The following STARD13 variants were observed in gnomAD, a reference collection of about 807,000 sequenced individuals.
The protein encoded by STARD13 is stAR-related lipid transfer protein 13.
In STARD13, 62 loss-of-function variants were observed where a neutral mutation model predicts 106.4. The ratio of observed to expected loss-of-function variants is 0.58; its 90% CI spans 0.48 to 0.72. The LOEUF (loss-of-function observed/expected upper bound fraction) is 0.72, where lower values mean the gene tolerates loss of function less well. STARD13 is among the 30% of genes least tolerant of loss of function. The pLI, the probability that STARD13 is intolerant of heterozygous loss-of-function variation, is 0.00. For synonymous variants in STARD13, 565 were observed against 553.0 expected (o/e 1.02, Z -0.31); for missense variants, 1,387 against 1,424.0 (o/e 0.97, Z 0.42).
At chr13:33,403,048 G>A in the STARD13 span, among the ~76,000 whole-genome samples, 1 of 152,224 alleles carries the variant, frequency 6.6e-6, no homozygotes, top group Non-Finnish European at 1.5e-5. Flanking sequence ...TAACATTAAG[G>A]TGTCTGAGGA....
intron 1 of STARD13, chr13:33,279,807 A>C (rs1009095680): frequency 6.6e-6 from 1 of 152,212 alleles, no homozygotes. Context: ...ACTATGTAGT[A>C]ATTTTTAAAA....
chr13:33,570,453 C>T, the STARD13 span, among the ~76,000 whole-genome samples: 1 of 148,034 alleles, frequency 6.8e-6, no homozygotes, highest in African/African-American at 2.5e-5. Context: ...AACTTTTAAC[C>T]CTTAACTTTT....
At chr13:33,634,453 T>C in the STARD13 span, among the ~76,000 whole-genome samples, 1 of 152,156 alleles carries the variant, frequency 6.6e-6, no homozygotes, top group Non-Finnish European at 1.5e-5. Context: ...CCCCAGGGTG[T>C]TTTCAAAGTT....
the STARD13 span, among the ~76,000 whole-genome samples, chr13:33,360,730 A>AGACAGAAGGATTCCTTC: frequency 4.8e-4 from 5 of 10,312 alleles, no homozygotes; most frequent in African/African-American, 7.3e-4. Context: ...AGAAGGACAT[A>AGACAGAAGGATTCCTTC]TTGTTGATCG....
In STARD13 at chr13:33,166,925, C is replaced by T. The variant is rs1348332366; in HGVS notation, c.241+626G>A. Among the ~76,000 whole-genome samples, 5 of 149,408 alleles carry T rather than the reference C, an allele frequency of 3.3e-5. 1 individual carries two copies. Among genetic ancestry groups the T allele is most frequent in the East Asian group, 2.0e-4 (1 of 5,004 alleles). On this transcript the variant is annotated intron_variant, in intron 2 of 13. Transcript: ENST00000336934. ...CAGGAAATTGCTTGAACCCAGGAGG[C>T]GGAGGTTGCAGCGAGTGGAGATTGT...
intron 1 of STARD13, among the ~76,000 whole-genome samples, chr13:33,315,369 G>A (rs142642697): frequency 7.2e-5 from 11 of 152,324 alleles, no homozygotes; most frequent in African/African-American, 2.4e-4. Context: ...ATCTCTTTCA[G>A]CAGAGGTTGG....
Position 33,118,189 on chromosome 13 carries a change from C to A in STARD13, c.2157G>T (p.Glu719Asp). ...ALRQMNENFP[E>D]NVNYEDQSAY... ...CAGACTGGTCTTCATAGTTGACGTTCTCAGGGAAGTTTTCATTCATTTGGC... is the reference window on the plus strand; with the variant it reads ...CAGACTGGTCTTCATAGTTGACGTTATCAGGGAAGTTTTCATTCATTTGGC... Residue 719 changes from glutamate to aspartate, a missense_variant, in exon 8 of 14, where the codon GAG (glutamate) becomes GAT (aspartate). Physicochemically the swap from Glu to Asp is conservative, Grantham distance 45 (BLOSUM62 2). Coordinates refer to ENST00000336934, the MANE Select transcript of STARD13 (RefSeq NM_178006.4). 6.2e-7 allele frequency: 1 copy of A among 1,614,158 alleles called. No homozygotes were observed. The highest frequency in any genetic ancestry group is 8.5e-7 in the Non-Finnish European group (1 of 1,180,028).
At chr13:33,138,369 T>C (rs1050285078) in intron 4 of STARD13, 10 of 151,504 alleles carry the variant, frequency 6.6e-5, no homozygotes, top group African/African-American at 2.4e-4. Flanking sequence ...ACTTTGTGTG[T>C]GCCTTGGTGT....
At chr13:33,330,246 C>A (rs991049557) in intron 1 of STARD13, among the ~76,000 whole-genome samples, 1 of 152,170 alleles carries the variant, frequency 6.6e-6, no homozygotes, top group Non-Finnish European at 1.5e-5. Context: ...CACATCTTTG[C>A]CGACATTTGC....
chr13:33,247,003 C>A (rs1889854168), intron 1 of STARD13, among the ~76,000 whole-genome samples: 1 of 152,000 alleles, frequency 6.6e-6, no homozygotes, highest in Non-Finnish European at 1.5e-5. Flanking sequence ...TCGAGACCAG[C>A]CTGGCCAACA....
chr13:33,342,046 C>G (rs2077967133), intron 1 of STARD13, among the ~76,000 whole-genome samples: 1 of 152,208 alleles, frequency 6.6e-6, no homozygotes, highest in South Asian at 2.1e-4. Flanking sequence ...CCGCCACGGA[C>G]AGCTTCCCTA....
At chr13:33,109,559 C>T (rs1033636806) in intron 12 of STARD13, among the ~76,000 whole-genome samples, 2 of 152,206 alleles carry the variant, frequency 1.3e-5, no homozygotes, top group Non-Finnish European at 2.9e-5. Flanking sequence ...GCAGAAAGTG[C>T]AACCGGACAA....
chr13:33,137,206 AAAAAT>A lies in STARD13; in HGVS notation c.387+5099_387+5103del, dbSNP rs547074382. ...TATCTTAGTCTGTGGCAGACTGGAA[AAAAAT>A]AAAATAAGAAAATCAGTCACTCACC... On this transcript the variant is annotated intron_variant, in intron 4 of 13. Coordinates refer to ENST00000336934, the MANE Select transcript of STARD13 (RefSeq NM_178006.4). 1.6e-4 allele frequency among the ~76,000 whole-genome samples: 25 copies of A among 152,340 alleles called. No homozygotes were observed. In the East Asian group the frequency reaches 4.0e-3, roughly 25 times the overall value.
At chr13:33,429,927 TG>T in the STARD13 span, among the ~76,000 whole-genome samples, 557 of 137,630 alleles carry the variant, frequency 4.0e-3, 3 homozygotes, top group South Asian at 9.3e-3. Flanking sequence ...ACTTTTTTTT[TG>T]GGGGGGGGGG....
At chr13:33,236,810 C>T (rs1889213617) in intron 1 of STARD13, among the ~76,000 whole-genome samples, 1 of 152,214 alleles carries the variant, frequency 6.6e-6, no homozygotes, top group Non-Finnish European at 1.5e-5. Context: ...CAATAGCTTT[C>T]TTCAACGTTG....
chr13:33,311,744 A>G (rs1893144875), intron 1 of STARD13, among the ~76,000 whole-genome samples: 1 of 152,222 alleles, frequency 6.6e-6, no homozygotes, highest in Admixed American at 6.5e-5. Flanking sequence ...AGATGAAAGC[A>G]CAAAGGCTGA....
intron 1 of STARD13, among the ~76,000 whole-genome samples, chr13:33,221,649 C>A (rs761396942): frequency 3.3e-5 from 5 of 152,278 alleles, no homozygotes; most frequent in Non-Finnish European, 7.3e-5. Flanking sequence ...GGCTATAAGA[C>A]TTGTGGATCC....
chr13:33,436,161 A>G, the STARD13 span, among the ~76,000 whole-genome samples: 2 of 152,204 alleles, frequency 1.3e-5, no homozygotes, highest in East Asian at 3.9e-4. Context: ...TTCTAAGAAG[A>G]GTTGTCCCTA....
chr13:33,583,965 T>A, the STARD13 span, among the ~76,000 whole-genome samples: 2 of 152,220 alleles, frequency 1.3e-5, no homozygotes, highest in Non-Finnish European at 2.9e-5. Context: ...GCCTTCAATT[T>A]TTTAGGGCAT....
Sources: allele counts gnomAD v4.1 joint callset (sites outside exome capture counted in the v4.1 genomes callset), GRCh38; gene constraint gnomAD v4.1.1; transcripts MANE v1.5; gene names NCBI Gene and HGNC (gene_info 2026-07-23, HGNC 2026-07-21).